SIGLEC11: variants seen among roughly 807,000 people sequenced by gnomAD.
SIGLEC11 encodes sialic acid binding Ig like lectin 11, also known as sialic acid-binding Ig-like lectin 11.
SIGLEC11 carries 47 observed loss-of-function variants against 61.2 expected under a neutral mutation model. The ratio of observed to expected loss-of-function variants is 0.77; its 90% CI spans 0.61 to 0.98. The LOEUF (loss-of-function observed/expected upper bound fraction) is 0.98, where lower values mean the gene tolerates loss of function less well. Ranked by LOEUF, SIGLEC11 falls within the 50% of genes least tolerant of loss-of-function variation. The probability of loss-of-function intolerance (pLI) is 0.00; values close to 1 mark genes in which losing one functional copy is unlikely to be tolerated. For missense variants in SIGLEC11, 610 were observed against 870.3 expected (o/e 0.70, Z 3.76); for synonymous variants, 278 against 373.1 (o/e 0.75, Z 2.94).
intron 5 of SIGLEC11, 49 bp downstream of exon 5, chr19:49,959,311 A>G (rs1426122636): frequency 9.4e-6 from 15 of 1,592,564 alleles, no homozygotes; most frequent in Admixed American, 1.7e-5. Flanking sequence ...CAGCCCCTGT[A>G]TCCCTCTGCC....
chr19:49,952,803 T>C (rs1488526074), intron 8 of SIGLEC11, among the ~76,000 whole-genome samples: 1 of 152,214 alleles, frequency 6.6e-6, no homozygotes, highest in Non-Finnish European at 1.5e-5. Context: ...TTTTTTCCTT[T>C]TGATACAGCT....
Position 49,949,854 on chromosome 19 carries a change from A to G in SIGLEC11, c.*116T>C. The G allele has an allele frequency of 8.7e-7, 1 of 1,144,034 alleles. No individual in the cohort carries two copies. The highest frequency in any genetic ancestry group is 1.1e-6 in the Non-Finnish European group (1 of 886,492). 70.9% of individuals were successfully genotyped at this position (1,144,034 alleles called of 1,614,324 possible). A position where few individuals can be genotyped will look rare whatever the true frequency, so the allele number is the denominator to read the frequency against. On this transcript the variant is annotated 3_prime_UTR_variant, in exon 11 of 11. Transcript: ENST00000447370. ...CAGACCCTGTCTCAAAAAAAGTATA[A>G]TCTTCAAACTCAAGCTCTTCATTGG...
rs1039617401 is a variant in SIGLEC11, at chr19:49,951,873, C to A, written c.1830+18G>T. On this transcript the variant is annotated intron_variant, in intron 10 of 10. Transcript: ENST00000447370. The surrounding 1 kb of genome is among the most constrained non-coding windows in gnomAD (Gnocchi z 4.6). ...GGGGAACAGGCAGGGCCCCAGCAGA[C>A]AGAGGCTGGGCTCTCACCTGGGAGA... The A allele has an allele frequency of 6.4e-7, 1 of 1,571,458 alleles. No homozygotes were observed. Among genetic ancestry groups the A allele is most frequent in the Non-Finnish European group, 8.6e-7 (1 of 1,159,834 alleles).
In SIGLEC11 at chr19:49,949,475, G is replaced by C. The variant is rs1015144689; in HGVS notation, c.*495C>G. On this transcript the variant is annotated 3_prime_UTR_variant, in exon 11 of 11. Coordinates refer to ENST00000447370, the MANE Select transcript of SIGLEC11 (RefSeq NM_052884.3). ...TGGTTTCCTGTGCTTTACACATCCA[G>C]AGAAGCTTCTGTAGTAATGAACCAT... The C allele has an allele frequency of 6.6e-6, 1 of 152,130 alleles. No homozygotes were observed. The highest frequency in any genetic ancestry group is 3.4e-3 in the Middle Eastern group (1 of 294). 9.4% of individuals were successfully genotyped at this position (152,130 alleles called of 1,614,324 possible).
At position 49,958,478 on chromosome 19, in the gene SIGLEC11, G is replaced by C. The variant is rs57682421; in HGVS notation, c.1456C>G (p.Arg486Gly). Residue 486 changes from arginine (R) to glycine (G), a missense_variant, in exon 8 of 11, where the codon CGC becomes GGC. Around this residue, in one of 6 missense-constraint regions of SIGLEC11, gnomAD observed 432 missense variants for 441.5 expected, o/e 0.98. Coordinates refer to ENST00000447370, the MANE Select transcript of SIGLEC11 (RefSeq NM_052884.3). ...AGCAGCTCCTCCCCAAGCCACCAGCGCAGAGAGGGGGCCGGGCTGGCCTGG... is the reference window on the plus strand; with the variant it reads ...AGCAGCTCCTCCCCAAGCCACCAGCCCAGAGAGGGGGCCGGGCTGGCCTGG... ...SSQASPAPSLRWWLGEELLEG... is the reference protein window; with the variant it reads ...SSQASPAPSLGWWLGEELLEG... 9,064 of 1,612,134 alleles carry C rather than the reference G, an allele frequency of 5.6e-3. 445 individuals are homozygous for C. In the African/African-American group the frequency reaches 0.1, roughly 19 times the overall value.
rs199516659 is a variant in SIGLEC11, at chr19:49,958,350, G to C, written c.1584C>G (p.Leu528=). The C allele has an allele frequency of 5.6e-6, 9 of 1,614,098 alleles. No homozygotes were observed. In the South Asian group the frequency reaches 9.9e-5, roughly 18 times the overall value. ...CGTTCCAGGCCTTACAGCGGAGCCTGAGGCCGGAGCTGAGCCCTCCATGGA... is the reference window on the plus strand; with the variant it reads ...CGTTCCAGGCCTTACAGCGGAGCCTCAGGCCGGAGCTGAGCCCTCCATGGA... ...LSLHGGLSSG[L]RLRCKAWNVH... The change falls in exon 8 of 11, where the codon CTC becomes CTG. Residue 528 remains leucine (L), a synonymous_variant. Transcript: ENST00000447370.
chr19:49,952,783 C>T (rs937707170), intron 8 of SIGLEC11, among the ~76,000 whole-genome samples: 2 of 152,144 alleles, frequency 1.3e-5, no homozygotes, highest in Non-Finnish European at 2.9e-5. Flanking sequence ...CTGTATTTAG[C>T]CAGTTCTTTT....
chr19:49,958,867 G>C lies in SIGLEC11; in HGVS notation c.1139C>G (p.Pro380Arg), dbSNP rs149136670. ...GCGCAGGCTTTGGCCCTCCAGGACCGGGAGGGATGTGCCGTTCCCGAGGTT... is the reference window on the plus strand; with the variant it reads ...GCGCAGGCTTTGGCCCTCCAGGACCCGGAGGGATGTGCCGTTCCCGAGGTT... ...LENLGNGTSLPVLEGQSLRLV... is the reference protein window; with the variant it reads ...LENLGNGTSLRVLEGQSLRLV... Residue 380 changes from proline to arginine, a missense_variant, in exon 7 of 11, where the codon CCG becomes CGG. This residue lies in a region of SIGLEC11 where 432 missense variants were observed against 441.5 expected (regional missense o/e 0.98). Transcript: ENST00000447370. 8.9e-4 allele frequency: 1,431 copies of C among 1,603,378 alleles called. 1 individual carries two copies. Among genetic ancestry groups the C allele is most frequent in the African/African-American group, 2.6e-3 (196 of 74,644 alleles).
chr19:49,959,134 A>T, intron 5 of SIGLEC11, 57 bp from the exon 6 acceptor site: 1 of 1,604,726 alleles, frequency 6.2e-7, no homozygotes, highest in East Asian at 2.3e-5. Context: ...CTCTGGGTAA[A>T]GGGAACTATC....
In SIGLEC11 at chr19:49,958,357, G is replaced by T; in HGVS notation, c.1577C>A (p.Ser526Tyr). Residue 526 changes from serine to tyrosine, a missense_variant, in exon 8 of 11, where the codon TCC becomes TAC. Coordinates refer to ENST00000447370, the MANE Select transcript of SIGLEC11 (RefSeq NM_052884.3). ...GGCCTTACAGCGGAGCCTGAGGCCG[G>T]AGCTGAGCCCTCCATGGAGGCTCAG... ...SSLSLHGGLS[S>Y]GLRLRCKAWN... 1 of 1,614,218 alleles carries T rather than the reference G, an allele frequency of 6.2e-7. No homozygotes were observed. Among genetic ancestry groups the T allele is most frequent in the Non-Finnish European group, 8.5e-7 (1 of 1,180,028 alleles).
intron 9 of SIGLEC11, 46 bp downstream of exon 9, chr19:49,952,251 AC>A (rs765735058): frequency 5.7e-6 from 9 of 1,574,136 alleles, no homozygotes; most frequent in Non-Finnish European, 7.8e-6. Context: ...GGATTCTAGA[AC>A]CCTCACCCTT....
chr19:49,958,119 C>T (rs1345626802), intron 8 of SIGLEC11, among the ~76,000 whole-genome samples, 164 bp downstream of exon 8: 1 of 152,224 alleles, frequency 6.6e-6, no homozygotes, highest in Non-Finnish European at 1.5e-5. Context: ...ATATTGCTCT[C>T]TCCGTTCCTC....
intron 8 of SIGLEC11, among the ~76,000 whole-genome samples, chr19:49,954,037 G>A (rs867232938): frequency 6.6e-6 from 1 of 152,276 alleles, no homozygotes; most frequent in Middle Eastern, 3.4e-3. Context: ...AGGGGTCTGA[G>A]GACAGCCTGA....
chr19:49,951,752 T>G lies in SIGLEC11; in HGVS notation c.1830+139A>C. The G allele has an allele frequency of 1.5e-6, 1 of 667,096 alleles. No individual in the cohort carries two copies. The highest frequency in any genetic ancestry group is 2.4e-6 in the Non-Finnish European group (1 of 421,140). 41.3% of individuals were successfully genotyped at this position (667,096 alleles called of 1,614,324 possible). ...AGGGTGCCTCCCAGATCATGGGACTTGGGACTGCATTGATGGGGACCCAGG... is the reference window on the plus strand; with the variant it reads ...AGGGTGCCTCCCAGATCATGGGACTGGGGACTGCATTGATGGGGACCCAGG... On this transcript the variant is annotated intron_variant, in intron 10 of 10. Transcript: ENST00000447370. The surrounding 1 kb of genome is among the most constrained non-coding windows in gnomAD (Gnocchi z 4.6).
Position 49,950,102 on chromosome 19 carries a change from C to T in SIGLEC11, c.1965G>A (p.Trp655Ter), listed in dbSNP as rs2076149327. The change falls in exon 11 of 11, where the codon TGG becomes TGA. Residue 655 changes from tryptophan to a stop codon, truncating the protein, a stop_gained. Coordinates refer to ENST00000447370, the MANE Select transcript of SIGLEC11 (RefSeq NM_052884.3). LOFTEE classifies it low-confidence loss of function (END_TRUNC). ...ASLSFQGLRL[W>*]EPADQEAPST... ...TGGGGGCCTCCTGGTCCGCAGGCTC[C>T]CAGAGCCTCAGGCCCTGGAAGCTGA... 2 of 1,612,062 alleles carry T rather than the reference C, an allele frequency of 1.2e-6. No homozygotes were observed. Among genetic ancestry groups the T allele is most frequent in the African/African-American group, 2.7e-5 (2 of 74,460 alleles).
intron 8 of SIGLEC11, 113 bp downstream of exon 8, chr19:49,958,170 G>T (rs2076211097): frequency 6.8e-6 from 10 of 1,473,504 alleles, no homozygotes; most frequent in Non-Finnish European, 8.3e-6. Context: ...CAGGGACTTT[G>T]TCCCCATCCC....
rs73576644 is a variant in SIGLEC11, at chr19:49,951,544, G to C, written c.1830+347C>G. ...GCTTTGTAGTAGACAATAGTCATCT[G>C]AGGAAAGGACTCTCTGGCATCCTGT... On this transcript the variant is annotated intron_variant, in intron 10 of 10. Transcript: ENST00000447370. The surrounding 1 kb of genome is among the most constrained non-coding windows in gnomAD (Gnocchi z 4.6). Among the ~76,000 whole-genome samples, 2 of 152,098 alleles carry C rather than the reference G, an allele frequency of 1.3e-5. No individual in the cohort carries two copies. Among genetic ancestry groups the C allele is most frequent in the Non-Finnish European group, 2.9e-5 (2 of 68,008 alleles).
intron 8 of SIGLEC11, among the ~76,000 whole-genome samples, chr19:49,954,187 G>C (rs560937010): frequency 6.6e-6 from 1 of 152,124 alleles, no homozygotes; most frequent in Non-Finnish European, 1.5e-5. Flanking sequence ...CAGCTTCACC[G>C]ACTGACACGA....
intron 8 of SIGLEC11, among the ~76,000 whole-genome samples, chr19:49,954,312 C>T (rs1158767490): frequency 2.0e-5 from 3 of 152,180 alleles, no homozygotes. Context: ...CTGAGGCCAA[C>T]AGCCCTCCAG....
Sources: allele counts gnomAD v4.1 joint callset (sites outside exome capture counted in the v4.1 genomes callset), GRCh38; gene constraint gnomAD v4.1.1; regional missense constraint gnomAD v4.1.1; non-coding constraint Gnocchi (gnomAD v3.1); transcripts MANE v1.5; gene names NCBI Gene and HGNC (gene_info 2026-07-23, HGNC 2026-07-21).